Variants in TMEM63C observed in about 807,000 individuals in gnomAD.
TMEM63C encodes the protein osmosensitive cation channel TMEM63C.
In TMEM63C, 32 loss-of-function variants were observed where a neutral mutation model predicts 99.2. The observed-to-expected ratio is 0.32, with a 90% CI of 0.24 to 0.43. TMEM63C has a LOEUF of 0.43. TMEM63C is among the 20% of genes least tolerant of loss of function. The pLI is 1.00. For missense variants in TMEM63C, 826 were observed against 1,053.0 expected, an observed-to-expected ratio of 0.78 and a Z score of 2.98; for synonymous variants, 376 against 397.9, an observed-to-expected ratio of 0.94 and a Z score of 0.66.
At position 77,242,379 on chromosome 14, in the gene TMEM63C, G is replaced by A. The variant is rs1265689592; in HGVS notation, c.1097G>A (p.Gly366Asp). ...AAGGATTACAAGTATGTCCAGTGTG[G>A]TGTGCAACCCCAGCAGTCCTCAGTG... The part of the protein sequence containing the change: ...VRKDYKYVQC[G>D]VQPQQSSVTT... Residue 366 changes from glycine (G) to aspartate (D), a missense_variant, in exon 14 of 24, where the codon GGT becomes GAT. By Grantham distance (94) the Gly-to-Asp change is moderately conservative (BLOSUM62 -1). Transcript: ENST00000298351. 6.2e-7 allele frequency: 1 copy of A among 1,613,794 alleles called. No individual in the cohort carries two copies.
chr14:77,232,993 T>C (rs1389277450), intron 7 of TMEM63C, among the ~76,000 whole-genome samples: 3 of 152,306 alleles, frequency 2.0e-5, no homozygotes, highest in South Asian at 2.1e-4. Flanking sequence ...AGTGATAATA[T>C]CATGCAGGAT....
rs897141315 is a variant in TMEM63C, at chr14:77,259,378, C to CG, written c.*2659dup. On this transcript the variant is annotated 3_prime_UTR_variant, in exon 24 of 24. Transcript: ENST00000298351. ...CGTTGCGTCCTCTGGGGCCCCCGGT[C>CG]GGGGGGGAGGGGGTGTGGGCTAACC... The CG allele has an allele frequency of 3.9e-5, 6 of 152,590 alleles. No homozygotes were observed. Among genetic ancestry groups the CG allele is most frequent in the Admixed American group, 1.3e-4 (2 of 15,286 alleles). The allele number at this position is 152,590 out of a possible 1,614,324, so 9.5% of individuals were successfully genotyped here.
intron 1 of TMEM63C, among the ~76,000 whole-genome samples, chr14:77,209,424 T>C (rs1043254579): frequency 6.6e-6 from 1 of 152,202 alleles, no homozygotes; most frequent in Non-Finnish European, 1.5e-5. Flanking sequence ...CTTGAGTGTG[T>C]CTCTGGGTAA....
chr14:77,251,806 A>T lies in TMEM63C; in HGVS notation c.2056A>T (p.Thr686Ser). The change falls in exon 22 of 24, where the codon ACC becomes TCC. Residue 686 changes from threonine (T) to serine (S), a missense_variant. Physicochemically the swap from Thr to Ser is moderately conservative, Grantham distance 58. Transcript: ENST00000298351. ...CTCGGCAGGTTCTCTCCACGCCATC[A>T]CCATCTTTTCCCTGTCCACCCTCCT... Reference protein sequence around the residue: ...ILRLGSLHAITIFSLSTLLIA... With the variant: ...ILRLGSLHAISIFSLSTLLIA... The T allele has an allele frequency of 6.2e-7, 1 of 1,613,904 alleles. No individual in the cohort carries two copies.
At chr14:77,244,305 T>C in intron 15 of TMEM63C, 44 bp from the exon 16 acceptor site, 1 of 1,420,720 alleles carries the variant, frequency 7.0e-7, no homozygotes, top group Non-Finnish European at 9.9e-7. Flanking sequence ...AAGAGGATGC[T>C]TGCATTGACG....
At chr14:77,183,420 G>T (rs1348696922) in intron 1 of TMEM63C, among the ~76,000 whole-genome samples, 1 of 152,182 alleles carries the variant, frequency 6.6e-6, no homozygotes, top group Admixed American at 6.5e-5. Flanking sequence ...GAAGGAAGCA[G>T]CTTGAAGACG....
intron 1 of TMEM63C, among the ~76,000 whole-genome samples, chr14:77,207,252 C>A (rs889681787): frequency 3.3e-5 from 5 of 152,250 alleles, no homozygotes; most frequent in African/African-American, 1.2e-4. Context: ...CCAACACACT[C>A]AGCTTCCAGC....
At chr14:77,241,715 A>G (rs140268599) in intron 13 of TMEM63C, among the ~76,000 whole-genome samples, 3 of 152,352 alleles carry the variant, frequency 2.0e-5, no homozygotes, top group East Asian at 1.9e-4. Context: ...GACAAGTGAT[A>G]TGCCTTCTAT....
intron 19 of TMEM63C, 108 bp from the exon 20 acceptor site, chr14:77,248,659 G>T: frequency 6.7e-7 from 1 of 1,498,804 alleles, no homozygotes; most frequent in South Asian, 1.1e-5. Context: ...GGGTTGGAAA[G>T]GAGGCTGCCT....
chr14:77,253,415 G>A (rs1889406443), intron 23 of TMEM63C, 39 bp downstream of exon 23: 2 of 1,559,834 alleles, frequency 1.3e-6, no homozygotes, highest in Non-Finnish European at 1.7e-6. Context: ...GGAGGGTGGT[G>A]CTTGCAGGGA....
intron 14 of TMEM63C, 105 bp from the exon 15 acceptor site, chr14:77,242,798 A>C (rs1409064044): frequency 1.5e-6 from 2 of 1,372,466 alleles, no homozygotes; most frequent in Non-Finnish European, 2.0e-6. Context: ...AGGAGGCTGG[A>C]TTAGACCAGG....
At chr14:77,239,389 A>C in intron 10 of TMEM63C, 23 bp from the exon 11 acceptor site, 1 of 1,612,696 alleles carries the variant, frequency 6.2e-7, no homozygotes, top group Non-Finnish European at 8.5e-7. Context: ...AGGCCGACTC[A>C]GCACCCATGT....
chr14:77,184,696 T>C (rs1195530726), intron 1 of TMEM63C, among the ~76,000 whole-genome samples: 1 of 152,150 alleles, frequency 6.6e-6, no homozygotes, highest in Non-Finnish European at 1.5e-5. Context: ...CACTCTTCTT[T>C]CCTCTCGTGG....
chr14:77,206,016 C>T (rs1373894359), intron 1 of TMEM63C, among the ~76,000 whole-genome samples: 1 of 152,182 alleles, frequency 6.6e-6, no homozygotes, highest in Non-Finnish European at 1.5e-5. Flanking sequence ...TGTAAACATA[C>T]TTTGTCACCT....
intron 3 of TMEM63C, 53 bp downstream of exon 3, chr14:77,219,016 A>G: frequency 8.2e-6 from 12 of 1,454,824 alleles, no homozygotes; most frequent in Non-Finnish European, 1.1e-5. Context: ...ACAGGGTCGA[A>G]CTTTCACAGG....
intron 23 of TMEM63C, among the ~76,000 whole-genome samples, chr14:77,254,857 C>T (rs188204898): frequency 5.9e-5 from 9 of 152,288 alleles, no homozygotes; most frequent in African/African-American, 2.2e-4. Flanking sequence ...TCCATATTCC[C>T]ACCACCCAGA....
At position 77,192,200 on chromosome 14, in the gene TMEM63C, C is replaced by T. The variant is rs576961696; in HGVS notation, c.-77+10306C>T. ...AGCCTTTACATCTAAGGTTCAGCCT[C>T]TTGTGGGTAGCATAGATTAGTTGCA... On this transcript the variant is annotated intron_variant, in intron 1 of 23. Coordinates refer to ENST00000298351, the MANE Select transcript of TMEM63C (RefSeq NM_020431.4). 2.6e-5 allele frequency among the ~76,000 whole-genome samples: 4 copies of T among 152,320 alleles called. No homozygotes were observed. In the East Asian group the frequency reaches 5.8e-4, roughly 22 times the overall value.
At chr14:77,253,429 T>C in intron 23 of TMEM63C, 53 bp downstream of exon 23, 1 of 1,517,014 alleles carries the variant, frequency 6.6e-7, no homozygotes, top group Non-Finnish European at 9.0e-7. Flanking sequence ...GCAGGGATGG[T>C]CTACTCTAGT....
chr14:77,233,245 C>T (rs573332328), intron 7 of TMEM63C, among the ~76,000 whole-genome samples: 1 of 152,284 alleles, frequency 6.6e-6, no homozygotes, highest in South Asian at 2.1e-4. Context: ...TCGCTTTCCT[C>T]CCGAGAGCCC....
Sources: gnomAD v4.1 joint callset for allele counts (sites outside exome capture counted in the v4.1 genomes callset) on GRCh38, gnomAD v4.1.1 for gene constraint, MANE v1.5 for transcripts, NCBI Gene and HGNC (gene_info 2026-07-23, HGNC 2026-07-21) for gene names.